The following CASQ2 variants were observed in gnomAD, a reference collection of about 807,000 sequenced individuals.
CASQ2 encodes the protein calsequestrin 2.
Under a neutral mutation model 46.5 loss-of-function variants are expected in CASQ2, and 49 were observed. The ratio of observed to expected loss-of-function variants is 1.05; its 90% CI spans 0.84 to 1.34. CASQ2 has a LOEUF of 1.34. Among genes scored for constraint, CASQ2 ranks in the 40% most tolerant of loss-of-function variants. The pLI is 0.00. For synonymous variants in CASQ2, 174 were observed against 168.5 expected, an observed-to-expected ratio of 1.03 and a Z score of -0.25; for missense variants, 486 against 481.3, an observed-to-expected ratio of 1.01 and a Z score of -0.09.
chr1:115,753,389 G>A (rs1441074350), intron 1 of CASQ2, among the ~76,000 whole-genome samples: 7 of 152,136 alleles, frequency 4.6e-5, no homozygotes, highest in African/African-American at 1.7e-4. Context: ...CAAAGGAGCG[G>A]GTGGTCATAT....
At chr1:115,704,478 TGTAAA>T (rs2101055192) in intron 9 of CASQ2, among the ~76,000 whole-genome samples, 1 of 152,346 alleles carries the variant, frequency 6.6e-6, no homozygotes, top group Admixed American at 6.5e-5. Context: ...TGATGAGGCA[TGTAAA>T]GTATTACTCT....
chr1:115,766,577 TCCTGTGC>T (rs1186910725), intron 1 of CASQ2, among the ~76,000 whole-genome samples: 1 of 152,190 alleles, frequency 6.6e-6, no homozygotes, highest in Non-Finnish European at 1.5e-5. Context: ...TTGCCCTGTG[TCCTGTGC>T]CTAGTAGAGA....
chr1:115,712,771 G>T (rs573937085), intron 8 of CASQ2, among the ~76,000 whole-genome samples: 1 of 150,798 alleles, frequency 6.6e-6, no homozygotes, highest in African/African-American at 2.4e-5. Flanking sequence ...CAGGAGAATC[G>T]CTTGAACCCG....
intron 8 of CASQ2, among the ~76,000 whole-genome samples, chr1:115,715,604 T>C (rs1654676784): frequency 6.6e-6 from 1 of 152,210 alleles, no homozygotes. Context: ...GTTCTAGAAT[T>C]AGATACTGAT....
rs146333579 is a variant in CASQ2, at chr1:115,738,275, T to C, written c.481A>G (p.Ile161Val). 3.1e-4 allele frequency: 501 copies of C among 1,613,908 alleles called. No homozygotes were observed. The highest frequency in any genetic ancestry group is 3.5e-4 in the Non-Finnish European group (412 of 1,179,862). Reference protein sequence around the residue: ...SKLEVQAFERIEDYIKLIGFF... With the variant: ...SKLEVQAFERVEDYIKLIGFF... ...CCAATGAGTTTGATGTAGTCTTCAA[T>C]GCGTTCGAAGGCTTGGACTTCCAGT... The change falls in exon 4 of 11, where the codon ATT becomes GTT. Residue 161 changes from isoleucine to valine, a missense_variant. By Grantham distance (29) the Ile-to-Val change is conservative. Coordinates refer to ENST00000261448, the MANE Select transcript of CASQ2 (RefSeq NM_001232.4).
intron 4 of CASQ2, among the ~76,000 whole-genome samples, chr1:115,733,176 C>T (rs531944335): frequency 1.4e-4 from 21 of 152,260 alleles, no homozygotes; most frequent in African/African-American, 5.1e-4. Flanking sequence ...GGCATTCAAA[C>T]GCCCAAGAGA....
intron 4 of CASQ2, among the ~76,000 whole-genome samples, chr1:115,733,244 C>A (rs764542417): frequency 1.3e-5 from 2 of 151,832 alleles, no homozygotes; most frequent in Non-Finnish European, 2.9e-5. Flanking sequence ...CAGAGGGAAC[C>A]GGGAGGAAAA....
chr1:115,744,968 A>G (rs1197637799), intron 1 of CASQ2, 56 bp from the exon 2 acceptor site: 2 of 1,177,648 alleles, frequency 1.7e-6, no homozygotes, highest in Non-Finnish European at 2.5e-6. Context: ...GGTAGAAAAT[A>G]TTACAGGATT....
intron 1 of CASQ2, among the ~76,000 whole-genome samples, chr1:115,750,149 G>C (rs2101107664): frequency 6.6e-6 from 1 of 152,328 alleles, no homozygotes; most frequent in South Asian, 2.1e-4. Flanking sequence ...TGTGAGCCAA[G>C]GAGTTAGAAG....
At chr1:115,706,410 T>C (rs1654364790) in intron 8 of CASQ2, among the ~76,000 whole-genome samples, 1 of 152,066 alleles carries the variant, frequency 6.6e-6, no homozygotes, top group African/African-American at 2.4e-5. Flanking sequence ...GAAGGCCCCA[T>C]GGAGTTGTCT....
Position 115,701,426 on chromosome 1 carries a change from C to T in CASQ2, c.1015G>A (p.Ala339Thr), listed in dbSNP as rs200958192. ...PQIGVVNVTD[A>T]DSVWMEIPDD... is the part of the protein sequence containing the mutation. ...GGAATCTCCATCCAGACACTGTCAG[C>T]CTGCAGTGAGGGACAAAATGAATGA... The change falls in exon 11 of 11, where the codon GCT (alanine) becomes ACT (threonine). Residue 339 changes from alanine (A) to threonine (T), a missense_variant and splice_region_variant. By Grantham distance (58) the Ala-to-Thr change is moderately conservative (BLOSUM62 0). Transcript: ENST00000261448. The T allele has an allele frequency of 1.9e-6, 3 of 1,606,828 alleles. No homozygotes were observed. In the East Asian group the frequency reaches 6.7e-5, roughly 36 times the overall value.
At chr1:115,736,035 C>T (rs1170917207) in intron 4 of CASQ2, among the ~76,000 whole-genome samples, 7 of 151,620 alleles carry the variant, frequency 4.6e-5, no homozygotes, top group East Asian at 3.9e-4. Flanking sequence ...TGGTGGCAGG[C>T]GCCTGTAATC....
intron 7 of CASQ2, 112 bp from the exon 8 acceptor site, chr1:115,718,006 G>A: frequency 2.5e-6 from 2 of 786,346 alleles, no homozygotes; most frequent in East Asian, 4.9e-5. Context: ...AGGGAGAGGT[G>A]TGGAAGCGGG....
chr1:115,749,944 C>T (rs1648520797), intron 1 of CASQ2, among the ~76,000 whole-genome samples: 1 of 152,236 alleles, frequency 6.6e-6, no homozygotes, highest in Non-Finnish European at 1.5e-5. Flanking sequence ...AAGCCCCTCA[C>T]AAGGGCACAG....
chr1:115,705,856 C>T (rs1557785236), intron 8 of CASQ2, among the ~76,000 whole-genome samples: 1 of 152,008 alleles, frequency 6.6e-6, no homozygotes, highest in Non-Finnish European at 1.5e-5. Context: ...TGGGCCCTCC[C>T]TCTGTTCAGT....
At chr1:115,714,509 T>C (rs184664553) in intron 8 of CASQ2, among the ~76,000 whole-genome samples, 1 of 152,300 alleles carries the variant, frequency 6.6e-6, no homozygotes, top group African/African-American at 2.4e-5. Flanking sequence ...AGAACTGTAT[T>C]ATTTTCCTGG....
intron 1 of CASQ2, among the ~76,000 whole-genome samples, chr1:115,751,683 A>T (rs1376339722): frequency 6.6e-6 from 1 of 151,776 alleles, no homozygotes; most frequent in Non-Finnish European, 1.5e-5. Flanking sequence ...AAAAAAAAAA[A>T]AATAGCTCTA....
intron 8 of CASQ2, among the ~76,000 whole-genome samples, chr1:115,706,554 G>T (rs1654369433): frequency 6.6e-6 from 1 of 152,140 alleles, no homozygotes; most frequent in Non-Finnish European, 1.5e-5. Context: ...TTAATTATCA[G>T]CCCCAGCTTC....
rs563026356 is a variant in CASQ2, at chr1:115,737,984, C to T, written c.532+240G>A. On this transcript the variant is annotated intron_variant, in intron 4 of 10. Coordinates refer to ENST00000261448, the MANE Select transcript of CASQ2 (RefSeq NM_001232.4). ...AAGAGCTTTTCTCTTTTTTGTAGAA[C>T]ACTCAGCCTGCTTTAAAGCTGGAGA... 5.3e-5 allele frequency among the ~76,000 whole-genome samples: 8 copies of T among 152,272 alleles called. No homozygotes were observed. In the South Asian group the frequency reaches 1.5e-3, roughly 28 times the overall value.
Sources: gnomAD v4.1 joint callset for allele counts (sites outside exome capture counted in the v4.1 genomes callset) on GRCh38, gnomAD v4.1.1 for gene constraint, MANE v1.5 for transcripts, NCBI Gene and HGNC (gene_info 2026-07-23, HGNC 2026-07-21) for gene names.